PTPRT: variants seen among roughly 807,000 people sequenced by gnomAD.
PTPRT encodes protein tyrosine phosphatase receptor type T.
PTPRT carries 56 observed loss-of-function variants against 176.8 expected under a neutral mutation model. The ratio of observed to expected loss-of-function variants is 0.32; its 90% CI spans 0.26 to 0.40. PTPRT has a LOEUF of 0.40. PTPRT is among the 10% of genes least tolerant of loss of function. The pLI, the probability that PTPRT is intolerant of heterozygous loss-of-function variation, is 1.00. For missense variants in PTPRT, 1,540 were observed against 1,908.2 expected (o/e 0.81, Z 3.60); for synonymous variants, 783 against 739.0 (o/e 1.06, Z -0.96).
chr20:42,034,780 T>C, the PTPRT span, among the ~76,000 whole-genome samples: 3 of 152,334 alleles, frequency 2.0e-5, no homozygotes, highest in East Asian at 1.9e-4. Flanking sequence ...TGACACATTC[T>C]GTGAGAAGTA....
chr20:42,919,112 G>A (rs1191135609), intron 1 of PTPRT, among the ~76,000 whole-genome samples: 2 of 152,170 alleles, frequency 1.3e-5, no homozygotes, highest in Non-Finnish European at 2.9e-5. Flanking sequence ...ACACTCCTGG[G>A]GAAGAGTCCT....
intron 2 of PTPRT, among the ~76,000 whole-genome samples, chr20:42,864,261 AAAG>A (rs1349995954): frequency 1.3e-5 from 2 of 152,234 alleles, no homozygotes; most frequent in Admixed American, 1.3e-4. Context: ...TCAGGTCTTC[AAAG>A]AAGGCCAGTA....
intron 7 of PTPRT, among the ~76,000 whole-genome samples, chr20:42,648,820 G>GTTTTTTTTTTTTTTTTTTT (rs68036487): frequency 1.8e-5 from 2 of 111,834 alleles, no homozygotes; most frequent in African/African-American, 7.5e-5. Flanking sequence ...TGGTGTCGTT[G>GTTTTTTTTTTTTTTTTTTT]TTTTTTTTTT....
In PTPRT at chr20:42,652,089, A is replaced by C. The variant is rs2075043173; in HGVS notation, c.1153+25777T>G. 2.6e-5 allele frequency among the ~76,000 whole-genome samples: 4 copies of C among 152,074 alleles called. No individual in the cohort carries two copies. In the South Asian group the frequency reaches 8.3e-4, roughly 32 times the overall value. On this transcript the variant is annotated intron_variant, in intron 7 of 30. Transcript: ENST00000373187. ...AAACAAACAAAAAAAACAAAAAAAA[A>C]AAGGAAGATGGATGATACTATATCT...
At chr20:42,854,623 G>A (rs1276967444) in intron 2 of PTPRT, among the ~76,000 whole-genome samples, 10 of 152,206 alleles carry the variant, frequency 6.6e-5, no homozygotes, top group Non-Finnish European at 1.5e-4. Flanking sequence ...GACTCATGAT[G>A]ATGTCTTACT....
chr20:42,333,184 G>C (rs766859335), intron 11 of PTPRT, among the ~76,000 whole-genome samples: 19 of 151,924 alleles, frequency 1.3e-4, no homozygotes, highest in Non-Finnish European at 2.4e-4. Flanking sequence ...CAATTCATGA[G>C]GACAGATTAA....
intron 6 of PTPRT, among the ~76,000 whole-genome samples, chr20:42,680,659 G>T (rs1244945970): frequency 6.6e-6 from 1 of 152,088 alleles, no homozygotes; most frequent in African/African-American, 2.4e-5. Context: ...CAATAGTTTG[G>T]AGGCTGAGTG....
intron 1 of PTPRT, among the ~76,000 whole-genome samples, chr20:42,920,087 G>T (rs1441277214): frequency 6.6e-6 from 1 of 152,194 alleles, no homozygotes; most frequent in African/African-American, 2.4e-5. Context: ...CATATTAAAA[G>T]AAGCTCTTTG....
At chr20:42,944,319 G>C (rs538273046) in intron 1 of PTPRT, among the ~76,000 whole-genome samples, 21 of 152,292 alleles carry the variant, frequency 1.4e-4, no homozygotes, top group African/African-American at 4.8e-4. Flanking sequence ...AGGAATACAA[G>C]AACCTGCAAA....
chr20:42,315,620 G>A, intron 12 of PTPRT, 103 bp downstream of exon 12: 1 of 1,359,540 alleles, frequency 7.4e-7, no homozygotes, highest in Non-Finnish European at 1.0e-6. Context: ...TGCCCCACGG[G>A]CCTTAGTTTT....
intron 11 of PTPRT, among the ~76,000 whole-genome samples, chr20:42,322,233 T>C (rs1161022711): frequency 6.6e-6 from 1 of 151,504 alleles, no homozygotes; most frequent in East Asian, 1.9e-4. Flanking sequence ...TACCAATGAC[T>C]TTCTTCACAG....
chr20:42,666,582 C>T (rs1327371725), intron 7 of PTPRT, among the ~76,000 whole-genome samples: 1 of 152,142 alleles, frequency 6.6e-6, no homozygotes, highest in African/African-American at 2.4e-5. Flanking sequence ...TTGATTAGAA[C>T]TGTATTAAAC....
At chr20:42,624,190 G>C (rs923845426) in intron 7 of PTPRT, among the ~76,000 whole-genome samples, 11 of 152,062 alleles carry the variant, frequency 7.2e-5, no homozygotes, top group African/African-American at 2.7e-4. Flanking sequence ...GGGCCAAAGG[G>C]AAACAAGGCA....
chr20:42,412,913 G>A (rs1316598305), intron 9 of PTPRT, among the ~76,000 whole-genome samples: 1 of 152,066 alleles, frequency 6.6e-6, no homozygotes, highest in South Asian at 2.1e-4. Context: ...TTTTAAAGGG[G>A]CATGGGGAAA....
intron 1 of PTPRT, among the ~76,000 whole-genome samples, chr20:42,932,110 G>C (rs1380404066): frequency 6.6e-6 from 1 of 152,238 alleles, no homozygotes; most frequent in Non-Finnish European, 1.5e-5. Context: ...AGGCCCACAC[G>C]ACCAGGGGTG....
At chr20:42,425,318 G>GA (rs1328513773) in intron 9 of PTPRT, among the ~76,000 whole-genome samples, 1 of 152,190 alleles carries the variant, frequency 6.6e-6, no homozygotes, top group Admixed American at 6.5e-5. Context: ...GAGGAGGTGA[G>GA]ATGAAGTCTC....
At chr20:43,071,174 C>T (rs574119120) in intron 1 of PTPRT, among the ~76,000 whole-genome samples, 3 of 152,202 alleles carry the variant, frequency 2.0e-5, no homozygotes, top group Admixed American at 6.5e-5. Context: ...CACATCCTTG[C>T]GGAGCTCCTA....
In PTPRT at chr20:43,189,070, G is replaced by A. The variant is rs1264312330; in HGVS notation, c.88+576C>T. On this transcript the variant is annotated intron_variant, in intron 1 of 30. Transcript: ENST00000373187. The surrounding 1 kb of genome is among the most constrained non-coding windows in gnomAD (Gnocchi z 5.0). ...CGGGTAGGGCGGAGGTATTGCTCTC[G>A]GTCATCAACGCAAACATCCCCTCGG... Among the ~76,000 whole-genome samples the A allele has an allele frequency of 6.6e-6, 1 of 152,180 alleles. No homozygotes were observed. The highest frequency in any genetic ancestry group is 2.4e-5 in the African/African-American group (1 of 41,438).
At chr20:42,969,551 A>T (rs1272885480) in intron 1 of PTPRT, 1 of 152,232 alleles carries the variant, frequency 6.6e-6, no homozygotes, top group Non-Finnish European at 1.5e-5. Flanking sequence ...CTAGGTAAAG[A>T]CGTTACTCCA....
Sources: gnomAD v4.1 joint callset for allele counts (sites outside exome capture counted in the v4.1 genomes callset) on GRCh38, gnomAD v4.1.1 for gene constraint, Gnocchi (gnomAD v3.1) non-coding constraint, MANE v1.5 for transcripts, NCBI Gene and HGNC (gene_info 2026-07-23, HGNC 2026-07-21) for gene names.